The following ATF4 variants were observed in gnomAD, a reference collection of about 807,000 sequenced individuals.
The protein encoded by ATF4 is cyclic AMP-dependent transcription factor ATF-4.
Under a neutral mutation model 21.0 loss-of-function variants are expected in ATF4, and 8 were observed. The ratio of observed to expected loss-of-function variants is 0.38; its 90% confidence interval spans 0.22 to 0.69. The LOEUF (loss-of-function observed/expected upper bound fraction) is 0.69. Among genes scored for constraint, ATF4 ranks in the 30% least tolerant of loss-of-function variants. The pLI, the probability that ATF4 is intolerant of heterozygous loss-of-function variation, is 0.49. For synonymous variants in ATF4, 241 were observed against 166.4 expected, an observed-to-expected ratio of 1.45 and a Z score of -3.45; for missense variants, 549 against 425.9, an observed-to-expected ratio of 1.29 and a Z score of -2.54.
rs1930964494 is a variant in ATF4, at chr22:39,521,839, C to A, written c.293C>A (p.Ala98Asp). ...KMDLKEFDLDALLGIDDLETM... is the reference protein window; with the variant it reads ...KMDLKEFDLDDLLGIDDLETM... ...GATTTGAAGGAGTTCGACTTGGATGCCCTGTTGGGTATAGATGACCTGGAA... is the reference window on the plus strand; with the variant it reads ...GATTTGAAGGAGTTCGACTTGGATGACCTGTTGGGTATAGATGACCTGGAA... The change falls in exon 3 of 3, where the codon GCC becomes GAC. Residue 98 changes from alanine to aspartate, a missense_variant. Coordinates refer to ENST00000674920, the MANE Select transcript of ATF4 (RefSeq NM_182810.3). 1 of 1,614,054 alleles carries A rather than the reference C, an allele frequency of 6.2e-7. No homozygotes were observed. Among genetic ancestry groups the A allele is most frequent in the Non-Finnish European group, 8.5e-7 (1 of 1,180,020 alleles).
chr22:39,521,950 C>A lies in ATF4; in HGVS notation c.404C>A (p.Pro135His), dbSNP rs140428747. The A allele has an allele frequency of 2.0e-5, 32 of 1,613,166 alleles. No homozygotes were observed. Among genetic ancestry groups the A allele is most frequent in the Non-Finnish European group, 2.1e-5 (25 of 1,179,716 alleles). ...PLVQETNKQP[P>H]QTVNPIGHLP... Reference sequence around the variant, plus strand: ...GTCCAGGAGACTAATAAGCAGCCCCCCCAGACGGTGAACCCAATTGGCCAT... The same window carrying A: ...GTCCAGGAGACTAATAAGCAGCCCCACCAGACGGTGAACCCAATTGGCCAT... The change falls in exon 3 of 3, where the codon CCC (proline) becomes CAC (histidine). Residue 135 changes from proline (P) to histidine (H), a missense_variant. By Grantham distance (77) the Pro-to-His change is moderately conservative. Coordinates refer to ENST00000674920, the MANE Select transcript of ATF4 (RefSeq NM_182810.3).
chr22:39,521,337 T>C lies in ATF4; in HGVS notation c.-92-17T>C, dbSNP rs1930929894. 9.3e-6 allele frequency: 9 copies of C among 964,946 alleles called. No homozygotes were observed. The highest frequency in any genetic ancestry group is 2.5e-5 in the Admixed American group (1 of 39,408). The allele number at this position is 964,946 out of a possible 1,614,324, so 59.8% of individuals were successfully genotyped here. On this transcript the variant is annotated splice_polypyrimidine_tract_variant and intron_variant, in intron 1 of 2. Transcript: ENST00000674920. ...CAGCTAACCTCTAATGGGAGTTGGC[T>C]TCTGATTCTCATTCAGGCTTCTCAC...
At position 39,521,538 on chromosome 22, in the gene ATF4, A is replaced by C. The variant is rs200926784; in HGVS notation, c.93A>C (p.Leu31=). 1.8e-4 allele frequency: 286 copies of C among 1,612,412 alleles called. No homozygotes were observed. The highest frequency in any genetic ancestry group is 2.3e-4 in the Non-Finnish European group (273 of 1,179,706). Residue 31 remains leucine, a synonymous_variant, in exon 2 of 3, where the codon CTA becomes CTC. Coordinates refer to ENST00000674920, the MANE Select transcript of ATF4 (RefSeq NM_182810.3). ...CGGGTTTGGGGGCTGAAGAAAGCCTAGGTCTCTTAGATGATTACCTGGAGG... is the reference window on the plus strand; with the variant it reads ...CGGGTTTGGGGGCTGAAGAAAGCCTCGGTCTCTTAGATGATTACCTGGAGG... The part of the protein sequence containing the change: ...DQSGLGAEES[L]GLLDDYLEVA...
In ATF4 at chr22:39,521,367, T is replaced by A. The variant is rs942515805; in HGVS notation, c.-79T>A. Reference sequence around the variant, plus strand: ...ATTCTCATTCAGGCTTCTCACGGCATTCAGCAGCAGCGTTGCTGTAACCGA... The same window carrying A: ...ATTCTCATTCAGGCTTCTCACGGCAATCAGCAGCAGCGTTGCTGTAACCGA... On this transcript the variant is annotated 5_prime_UTR_variant, in exon 2 of 3. Coordinates refer to ENST00000674920, the MANE Select transcript of ATF4 (RefSeq NM_182810.3). The A allele has an allele frequency of 5.5e-6, 7 of 1,264,284 alleles. No individual in the cohort carries two copies. In the South Asian group the frequency reaches 8.8e-5, roughly 16 times the overall value. 78.3% of individuals were successfully genotyped at this position (1,264,284 alleles called of 1,614,324 possible). A position where few individuals can be genotyped will look rare whatever the true frequency, so the allele number is the denominator to read the frequency against.
rs547944682 is a variant in ATF4 at position 39,521,972 on chromosome 22, C to T, written c.426C>T (p.Gly142=). ...KQPPQTVNPI[G]HLPESLTKPD... ...CCCCCCAGACGGTGAACCCAATTGGCCATCTCCCAGAAAGTTTAACAAAAC... is the reference window on the plus strand; with the variant it reads ...CCCCCCAGACGGTGAACCCAATTGGTCATCTCCCAGAAAGTTTAACAAAAC... Residue 142 remains glycine (G), a synonymous_variant, in exon 3 of 3, where the codon GGC becomes GGT. Transcript: ENST00000674920. 19 of 1,613,330 alleles carry T rather than the reference C, an allele frequency of 1.2e-5. No individual in the cohort carries two copies. Among genetic ancestry groups the T allele is most frequent in the Admixed American group, 1.2e-4 (7 of 59,942 alleles).
chr22:39,522,261 A>C lies in ATF4; in HGVS notation c.715A>C (p.Arg239=). ...GTCTCCTCAGCACAGCCCCTCTACCAGGGGCTCTCCAAATAGGAGCCTCCC... is the reference window on the plus strand; with the variant it reads ...GTCTCCTCAGCACAGCCCCTCTACCCGGGGCTCTCCAAATAGGAGCCTCCC... ...LGSPQHSPST[R]GSPNRSLPSP... is the part of the protein sequence containing the mutation. Residue 239 remains arginine (R), a synonymous_variant, in exon 3 of 3, where the codon AGG becomes CGG. Coordinates refer to ENST00000674920, the MANE Select transcript of ATF4 (RefSeq NM_182810.3). The C allele has an allele frequency of 6.2e-7, 1 of 1,607,508 alleles. No homozygotes were observed. The highest frequency in any genetic ancestry group is 8.5e-7 in the Non-Finnish European group (1 of 1,177,136).
chr22:39,521,787 G>C lies in ATF4; in HGVS notation c.241G>C (p.Gly81Arg). Residue 81 changes from glycine (G) to arginine (R), a missense_variant, in exon 3 of 3, where the codon GGG (glycine) becomes CGG (arginine). Physicochemically the swap from Gly to Arg is moderately radical, Grantham distance 125. Transcript: ENST00000674920. The stretch of plus-strand genomic sequence containing the variant: ...ATGTTTTGCAGAGGATGCCTTCTCC[G>C]GGACAGATTGGATGTTGGAGAAAAT... ...SNNSKEDAFS[G>R]TDWMLEKMDL... The C allele has an allele frequency of 6.2e-7, 1 of 1,613,958 alleles. No homozygotes were observed. Among genetic ancestry groups the C allele is most frequent in the Non-Finnish European group, 8.5e-7 (1 of 1,179,898 alleles).
rs1184740445 is a variant in ATF4 at position 39,520,587 on chromosome 22, T to C, written c.-257T>C. On this transcript the variant is annotated 5_prime_UTR_variant, in exon 1 of 3. The change abolishes an upstream ATG in the 5' untranslated region. Coordinates refer to ENST00000674920, the MANE Select transcript of ATF4 (RefSeq NM_182810.3). ...CATTTCTACTTTGCCCGCCCACAGA[T>C]GTAGTTTTCTCTGCGCGTGTGCGTT... is the stretch of plus-strand genomic sequence containing the variant. 3.9e-5 allele frequency: 6 copies of C among 152,560 alleles called. No homozygotes were observed. Among genetic ancestry groups the C allele is most frequent in the Admixed American group, 6.6e-5 (1 of 15,252 alleles). 9.5% of individuals were successfully genotyped at this position (152,560 alleles called of 1,614,324 possible).
rs1252380301 is a variant in ATF4, at chr22:39,522,003, C to A, written c.457C>A (p.Gln153Lys). ...HLPESLTKPDQVAPFTFLQPL... is the reference protein window; with the variant it reads ...HLPESLTKPDKVAPFTFLQPL... ...CCCAGAAAGTTTAACAAAACCCGACCAGGTTGCCCCCTTCACCTTCTTACA... is the reference window on the plus strand; with the variant it reads ...CCCAGAAAGTTTAACAAAACCCGACAAGGTTGCCCCCTTCACCTTCTTACA... Residue 153 changes from glutamine (Q) to lysine (K), a missense_variant, in exon 3 of 3, where the codon CAG (glutamine) becomes AAG (lysine). Gln to Lys is a moderately conservative substitution (Grantham distance 53). Transcript: ENST00000674920. 16 of 1,613,542 alleles carry A rather than the reference C, an allele frequency of 9.9e-6. No individual in the cohort carries two copies. Among genetic ancestry groups the A allele is most frequent in the Non-Finnish European group, 1.4e-5 (16 of 1,179,788 alleles).
In ATF4 at chr22:39,522,373, A is replaced by G; in HGVS notation, c.827A>G (p.Glu276Gly). The G allele has an allele frequency of 1.2e-6, 2 of 1,612,848 alleles. No individual in the cohort carries two copies. Among genetic ancestry groups the G allele is most frequent in the Non-Finnish European group, 1.7e-6 (2 of 1,179,400 alleles). Residue 276 changes from glutamate (E) to glycine (G), a missense_variant, in exon 3 of 3, where the codon GAG (glutamate) becomes GGG (glycine). Transcript: ENST00000674920. ...EKMVAAKVKG[E>G]KLDKKLKKME... ...ATGGTAGCAGCAAAAGTAAAGGGTG[A>G]GAAACTGGATAAGAAGCTGAAAAAA...
rs752840127 is a variant in ATF4 at position 39,522,437 on chromosome 22, G to A, written c.891G>A (p.Gln297=). 3 of 1,613,784 alleles carry A rather than the reference G, an allele frequency of 1.9e-6. No individual in the cohort carries two copies. The East Asian group carries it at 6.7e-5, about 36-fold the overall frequency. Residue 297 remains glutamine (Q), a synonymous_variant, in exon 3 of 3, where the codon CAG becomes CAA. Transcript: ENST00000674920. ...AGACAGCAGCCACTAGGTACCGCCA[G>A]AAGAAGAGGGCGGAGCAGGAGGCTC... ...QNKTAATRYR[Q]KKRAEQEALT... is the part of the protein sequence containing the mutation.
In ATF4 at chr22:39,522,366, A is replaced by G. The variant is rs767533408; in HGVS notation, c.820A>G (p.Lys274Glu). 2 of 1,612,866 alleles carry G rather than the reference A, an allele frequency of 1.2e-6. No individual in the cohort carries two copies. ...AGAGAAGATGGTAGCAGCAAAAGTA[A>G]AGGGTGAGAAACTGGATAAGAAGCT... The part of the protein sequence containing the change: ...PGEKMVAAKV[K>E]GEKLDKKLKK... The change falls in exon 3 of 3, where the codon AAG (lysine) becomes GAG (glutamate). Residue 274 changes from lysine (K) to glutamate (E), a missense_variant. Physicochemically the swap from Lys to Glu is moderately conservative, Grantham distance 56. Transcript: ENST00000674920.
rs1930941837 is a variant in ATF4, at chr22:39,521,507, A to G, written c.62A>G (p.Asp21Gly). Residue 21 changes from aspartate (D) to glycine (G), a missense_variant, in exon 2 of 3, where the codon GAC becomes GGC. By Grantham distance (94) the Asp-to-Gly change is moderately conservative. Coordinates refer to ENST00000674920, the MANE Select transcript of ATF4 (RefSeq NM_182810.3). Reference protein sequence around the residue: ...VLVGDLMSPFDQSGLGAEESL... With the variant: ...VLVGDLMSPFGQSGLGAEESL... Reference sequence around the variant, plus strand: ...GTGGGGGACTTGATGTCCCCCTTCGACCAGTCGGGTTTGGGGGCTGAAGAA... The same window carrying G: ...GTGGGGGACTTGATGTCCCCCTTCGGCCAGTCGGGTTTGGGGGCTGAAGAA... 1 of 1,603,424 alleles carries G rather than the reference A, an allele frequency of 6.2e-7. No individual in the cohort carries two copies. The highest frequency in any genetic ancestry group is 1.3e-5 in the African/African-American group (1 of 74,548).
intron 1 of ATF4, 141 bp from the exon 2 acceptor site, chr22:39,521,213 A>T: frequency 5.9e-6 from 2 of 340,432 alleles, no homozygotes; most frequent in Non-Finnish European, 1.1e-5. Flanking sequence ...CCTGAGTTGC[A>T]AGCAGGGAGG....
rs575135566 is a variant in ATF4 at position 39,521,828 on chromosome 22, C to A, written c.282C>A (p.Phe94Leu). The stretch of plus-strand genomic sequence containing the variant: ...TGGAGAAAATGGATTTGAAGGAGTT[C>A]GACTTGGATGCCCTGTTGGGTATAG... ...WMLEKMDLKE[F>L]DLDALLGIDD... The change falls in exon 3 of 3, where the codon TTC becomes TTA. Residue 94 changes from phenylalanine (F) to leucine (L), a missense_variant. Transcript: ENST00000674920. 3.7e-6 allele frequency: 6 copies of A among 1,613,970 alleles called. No homozygotes were observed. In the South Asian group the frequency reaches 5.5e-5, roughly 15 times the overall value.
Sources: gnomAD v4.1 joint callset for allele counts on GRCh38, gnomAD v4.1.1 for gene constraint, MANE v1.5 for transcripts, NCBI Gene and HGNC (gene_info 2026-07-23, HGNC 2026-07-21) for gene names.